PCCA: variants seen among roughly 807,000 people sequenced by gnomAD.
PCCA encodes the protein propionyl-CoA carboxylase subunit alpha, also known as propionyl-CoA carboxylase alpha chain, mitochondrial.
In PCCA, 74 loss-of-function variants were observed where a neutral mutation model predicts 101.3. The ratio of observed to expected loss-of-function variants is 0.73; its 90% CI spans 0.61 to 0.89. PCCA has a LOEUF of 0.89. Among genes scored for constraint, PCCA ranks in the 40% least tolerant of loss-of-function variants. The pLI, the probability that PCCA is intolerant of heterozygous loss-of-function variation, is 0.00. For synonymous variants in PCCA, 294 were observed against 313.6 expected, an observed-to-expected ratio of 0.94 and a Z score of 0.66; for missense variants, 891 against 907.0, an observed-to-expected ratio of 0.98 and a Z score of 0.23.
At chr13:100,378,607 GCTTT>G (rs1436940611) in intron 19 of PCCA, among the ~76,000 whole-genome samples, 8 of 151,972 alleles carry the variant, frequency 5.3e-5, no homozygotes, top group African/African-American at 9.7e-5. Context: ...TATCATGAAA[GCTTT>G]CTTTATGTTT....
chr13:100,448,743 T>C (rs1024220475), intron 20 of PCCA, among the ~76,000 whole-genome samples: 3 of 152,238 alleles, frequency 2.0e-5, no homozygotes, highest in African/African-American at 7.2e-5. Context: ...TAGAATTGCA[T>C]TGTTGTTTTA....
chr13:100,483,583 T>A lies in PCCA; in HGVS notation c.1900-31844T>A, dbSNP rs79768479. Among the ~76,000 whole-genome samples, 679 of 152,360 alleles carry A rather than the reference T, an allele frequency of 4.5e-3. 34 individuals carry two copies. In the East Asian group the frequency reaches 0.099, roughly 22 times the overall value. Reference sequence around the variant, plus strand: ...CGCCCTCTTGGTCTTCTTTTGGACATTTCTTTAAGATGAGGCTCTTACTGG... The same window carrying A: ...CGCCCTCTTGGTCTTCTTTTGGACAATTCTTTAAGATGAGGCTCTTACTGG... On this transcript the variant is annotated intron_variant, in intron 21 of 23. Transcript: ENST00000376285.
intron 18 of PCCA, among the ~76,000 whole-genome samples, chr13:100,344,785 G>A (rs2071939377): frequency 6.6e-6 from 1 of 152,080 alleles, no homozygotes; most frequent in African/African-American, 2.4e-5. Context: ...AAGGTTTATG[G>A]CAACCCTGCA....
At chr13:100,247,406 C>T (rs1345776791) in intron 8 of PCCA, among the ~76,000 whole-genome samples, 15 of 149,812 alleles carry the variant, frequency 1.0e-4, no homozygotes, top group African/African-American at 3.2e-4. Context: ...TCAGTAGAGA[C>T]GAGGTTTCAC....
At chr13:100,228,254 G>A (rs975701292) in intron 7 of PCCA, among the ~76,000 whole-genome samples, 1 of 152,104 alleles carries the variant, frequency 6.6e-6, no homozygotes, top group African/African-American at 2.4e-5. Context: ...GACCTCAGAT[G>A]ATCCGCCTGC....
At chr13:100,179,210 C>T (rs1247423956) in intron 6 of PCCA, among the ~76,000 whole-genome samples, 1 of 151,782 alleles carries the variant, frequency 6.6e-6, no homozygotes, top group South Asian at 2.1e-4. Context: ...AGTATTGCTT[C>T]CATAAATAAT....
intron 21 of PCCA, among the ~76,000 whole-genome samples, chr13:100,511,282 G>A (rs1238056642): frequency 6.6e-6 from 1 of 152,160 alleles, no homozygotes; most frequent in Non-Finnish European, 1.5e-5. Flanking sequence ...CACTGACACT[G>A]TTTCTCCAGC....
chr13:100,417,076 C>T (rs1356294602), intron 19 of PCCA, among the ~76,000 whole-genome samples: 1 of 152,154 alleles, frequency 6.6e-6, no homozygotes, highest in Non-Finnish European at 1.5e-5. Context: ...CTCCCAACCT[C>T]AGGTGATCCC....
At chr13:100,422,080 T>TTCTTTCTTTCTTTCTTTCTC (rs1182058430) in intron 19 of PCCA, among the ~76,000 whole-genome samples, 4 of 133,954 alleles carry the variant, frequency 3.0e-5, no homozygotes, top group Non-Finnish European at 6.2e-5. Context: ...TTTTCTTTCT[T>TTCTTTCTTTCTTTCTTTCTC]TCTTTCTTTC....
At chr13:100,136,245 G>A (rs1449607223) in intron 4 of PCCA, among the ~76,000 whole-genome samples, 1 of 147,620 alleles carries the variant, frequency 6.8e-6, no homozygotes, top group Non-Finnish European at 1.5e-5. Context: ...GAGTGCAATG[G>A]TGTGATCTCG....
chr13:100,415,239 C>A (rs77869539), intron 19 of PCCA, among the ~76,000 whole-genome samples: 117 of 122,958 alleles, frequency 9.5e-4, no homozygotes, highest in Admixed American at 1.6e-3. Context: ...CACACCTCTA[C>A]AAAAAAAAAA....
At chr13:100,422,135 CTTTTTTT>C (rs1232975466) in intron 19 of PCCA, among the ~76,000 whole-genome samples, 2 of 68,786 alleles carry the variant, frequency 2.9e-5, no homozygotes, top group African/African-American at 1.2e-4. Context: ...TTCTTTCTTT[CTTTTTTT>C]TTTTTTTTTT....
intron 7 of PCCA, among the ~76,000 whole-genome samples, chr13:100,235,138 T>C (rs1444579435): frequency 6.6e-6 from 1 of 152,096 alleles, no homozygotes; most frequent in African/African-American, 2.4e-5. Context: ...ATGGATAAAC[T>C]TTTACCCCTT....
intron 20 of PCCA, among the ~76,000 whole-genome samples, chr13:100,440,819 C>T (rs1478649456): frequency 1.3e-5 from 2 of 151,966 alleles, no homozygotes; most frequent in Non-Finnish European, 2.9e-5. Context: ...TGGTATTTTT[C>T]GAATGAAGTA....
intron 7 of PCCA, among the ~76,000 whole-genome samples, 159 bp from the exon 8 acceptor site, chr13:100,235,683 G>A (rs943703198): frequency 2.0e-5 from 3 of 152,168 alleles, no homozygotes; most frequent in South Asian, 4.1e-4. Flanking sequence ...TCCACTTATG[G>A]TATTAATTTT....
chr13:100,219,171 AC>A (rs2152494455), intron 7 of PCCA, among the ~76,000 whole-genome samples: 1 of 152,140 alleles, frequency 6.6e-6, no homozygotes, highest in South Asian at 2.1e-4. Context: ...TTTGTTTTAG[AC>A]ATTTGTGTGA....
Position 100,418,473 on chromosome 13 carries a change from A to G in PCCA, c.1747-7160A>G, listed in dbSNP as rs139648652. 9.6e-3 allele frequency among the ~76,000 whole-genome samples: 1,457 copies of G among 152,012 alleles called. 79 individuals are homozygous for G. Among genetic ancestry groups the G allele is most frequent in the Admixed American group, 0.087 (1,322 of 15,252 alleles). ...TCTGAATGTCCCTCTTCTCTATACC[A>G]CCAGGGCTCTAGATCTGATCACCAT... On this transcript the variant is annotated intron_variant, in intron 19 of 23. Coordinates refer to ENST00000376285, the MANE Select transcript of PCCA (RefSeq NM_000282.4).
intron 7 of PCCA, among the ~76,000 whole-genome samples, chr13:100,220,971 C>G (rs1479500097): frequency 6.6e-6 from 1 of 152,136 alleles, no homozygotes; most frequent in South Asian, 2.1e-4. Flanking sequence ...GCCCAGACTT[C>G]CATGGACAAA....
chr13:100,170,293 T>G (rs2055507072), intron 6 of PCCA, among the ~76,000 whole-genome samples: 1 of 152,232 alleles, frequency 6.6e-6, no homozygotes, highest in Non-Finnish European at 1.5e-5. Context: ...AGTACATTGC[T>G]CGAGGATTTT....
Sources: allele counts gnomAD v4.1 joint callset (sites outside exome capture counted in the v4.1 genomes callset), GRCh38; gene constraint gnomAD v4.1.1; transcripts MANE v1.5; gene names NCBI Gene and HGNC (gene_info 2026-07-23, HGNC 2026-07-21).